Variants in MGAT4C observed in about 807,000 individuals in gnomAD.
MGAT4C encodes MGAT4 family member C, also known as alpha-1,3-mannosyl-glycoprotein 4-beta-N-acetylglucosaminyltransferase C.
MGAT4C carries 19 observed loss-of-function variants against 40.1 expected under a neutral mutation model. The observed-to-expected ratio is 0.47, with a 90% confidence interval of 0.33 to 0.70. MGAT4C has a LOEUF of 0.70. MGAT4C is among the 30% of genes least tolerant of loss of function. MGAT4C has a pLI of 0.02. For missense variants in MGAT4C, 491 were observed against 563.2 expected (o/e 0.87, Z 1.30); for synonymous variants, 181 against 187.1 (o/e 0.97, Z 0.27).
Position 85,979,904 on chromosome 12 carries a change from A to G in MGAT4C, c.822T>C (p.His274=), listed in dbSNP as rs1345519432. 4 of 1,613,852 alleles carry G rather than the reference A, an allele frequency of 2.5e-6. No homozygotes were observed. The part of the protein sequence containing the change: ...YHSHDLPRLA[H]FLLMFYQEMP... ...TTTCTTGATAAAACATTAATAAAAA[A>G]TGGGCCAAACGTGGGAGATCATGAG... The change falls in exon 5 of 5, where the codon CAT becomes CAC. Residue 274 remains histidine (H), a synonymous_variant. Transcript: ENST00000611864.
chr12:86,457,321 G>C (rs1252995880), intron 2 of MGAT4C, among the ~76,000 whole-genome samples: 1 of 151,938 alleles, frequency 6.6e-6, no homozygotes, highest in Non-Finnish European at 1.5e-5. Flanking sequence ...ATAACATACA[G>C]AATTAGTGGG....
chr12:86,405,934 ACATT>A (rs1460288778), intron 3 of MGAT4C, among the ~76,000 whole-genome samples: 485 of 3,706 alleles, frequency 0.13, 9 homozygotes, highest in South Asian at 0.32. Flanking sequence ...TATTATACAT[ACATT>A]TATAAATACA....
At chr12:85,985,298 G>C (rs558187633) in intron 3 of MGAT4C, among the ~76,000 whole-genome samples, 1 of 152,048 alleles carries the variant, frequency 6.6e-6, no homozygotes, top group Non-Finnish European at 1.5e-5. Context: ...CATCAATCTC[G>C]AGTGACAATG....
At chr12:86,179,381 G>T (rs1887864155) in intron 1 of MGAT4C, among the ~76,000 whole-genome samples, 1 of 152,186 alleles carries the variant, frequency 6.6e-6, no homozygotes, top group Admixed American at 6.5e-5. Context: ...GTTGGTACCA[G>T]TAGTGGGATG....
Position 86,496,766 on chromosome 12 carries a change from A to C in MGAT4C, c.-228-61501T>G, listed in dbSNP as rs190483027. Among the ~76,000 whole-genome samples, 147 of 152,110 alleles carry C rather than the reference A, an allele frequency of 9.7e-4. 1 individual carries two copies. The highest frequency in any genetic ancestry group is 3.5e-3 in the African/African-American group (144 of 41,518). On this transcript the variant is annotated intron_variant, in intron 2 of 7. Coordinates refer to the MGAT4C transcript ENST00000548651. ...TAATTGGCTCAGTGTAATTGAGCTC[A>C]CCATTCAGCCTTTTATAAAACGTTC...
At chr12:86,826,285 C>T (rs1377611043) in intron 1 of MGAT4C, among the ~76,000 whole-genome samples, 3 of 151,322 alleles carry the variant, frequency 2.0e-5, no homozygotes, top group African/African-American at 7.3e-5. Context: ...TTTCATGATG[C>T]TACTCCAGAT....
intron 2 of MGAT4C, among the ~76,000 whole-genome samples, chr12:85,995,595 C>T (rs554636580): frequency 3.1e-4 from 47 of 152,238 alleles, no homozygotes; most frequent in East Asian, 5.8e-4. Context: ...AGGCCAGCTG[C>T]GGTACCTCAT....
At chr12:86,671,012 AT>A (rs1964243525) in intron 2 of MGAT4C, among the ~76,000 whole-genome samples, 1 of 152,128 alleles carries the variant, frequency 6.6e-6, no homozygotes, top group Non-Finnish European at 1.5e-5. Flanking sequence ...ATACCATTCT[AT>A]TTTCTTGTAG....
At chr12:85,983,870 C>T (rs1884913823) in intron 3 of MGAT4C, among the ~76,000 whole-genome samples, 200 bp from the exon 4 acceptor site, 1 of 152,070 alleles carries the variant, frequency 6.6e-6, no homozygotes, top group South Asian at 2.1e-4. Flanking sequence ...TCCAGTAGCT[C>T]GCTCGCCTAT....
In MGAT4C at chr12:86,363,958, T is replaced by C. The variant is rs75577105; in HGVS notation, c.-119-29831A>G. ...AAATTACCAAATCTCTTTCTCACTC[T>C]CTCTCTCTCTCTCTCACACACACAC... On this transcript the variant is annotated intron_variant, in intron 3 of 7. Transcript: ENST00000548651. Among the ~76,000 whole-genome samples the C allele has an allele frequency of 5.7e-4, 37 of 65,280 alleles. 3 individuals carry two copies. In the East Asian group the frequency reaches 0.025, roughly 45 times the overall value. The allele number at this position is 65,280 out of a possible 152,430, so 42.8% of individuals were successfully genotyped here. A position where few individuals can be genotyped will look rare whatever the true frequency, so the allele number is the denominator to read the frequency against.
intron 2 of MGAT4C, among the ~76,000 whole-genome samples, chr12:86,711,356 G>C (rs115256457): frequency 6.6e-6 from 1 of 151,988 alleles, no homozygotes; most frequent in Admixed American, 6.6e-5. Context: ...CAGGAGCTGG[G>C]GAAGGGCTAA....
intron 1 of MGAT4C, among the ~76,000 whole-genome samples, chr12:86,062,181 A>T (rs988466266): frequency 1.3e-5 from 2 of 152,192 alleles, no homozygotes; most frequent in African/African-American, 4.8e-5. Flanking sequence ...AGAAAGTAAC[A>T]GGCAGCAATC....
intron 1 of MGAT4C, among the ~76,000 whole-genome samples, chr12:86,115,942 C>T (rs1878341637): frequency 6.6e-6 from 1 of 152,042 alleles, no homozygotes. Flanking sequence ...AAAGCACTCA[C>T]ATTCTGAGAA....
chr12:86,021,797 C>T (rs190085033), intron 2 of MGAT4C, among the ~76,000 whole-genome samples: 2 of 152,128 alleles, frequency 1.3e-5, no homozygotes, highest in Non-Finnish European at 2.9e-5. Flanking sequence ...ATGGTATAAG[C>T]ATTTATGTAC....
chr12:86,274,080 G>A lies in MGAT4C; in HGVS notation c.-57+59985C>T, dbSNP rs982838408. ...ATAATTTGTAAGCTCCCCTAAGAGG[G>A]AGCACTTGTCTTACACAGCAGGAGA... On this transcript the variant is annotated intron_variant, in intron 4 of 7. Transcript: ENST00000548651. 2.0e-5 allele frequency among the ~76,000 whole-genome samples: 3 copies of A among 152,232 alleles called. No homozygotes were observed. The East Asian group carries it at 5.8e-4, about 29-fold the overall frequency.
chr12:86,089,800 T>C (rs1448138976), intron 1 of MGAT4C, among the ~76,000 whole-genome samples: 1 of 151,788 alleles, frequency 6.6e-6, no homozygotes, highest in Non-Finnish European at 1.5e-5. Context: ...AGTTTGTATT[T>C]GTTTAGTCAA....
At chr12:86,488,180 A>G (rs987644544) in intron 2 of MGAT4C, among the ~76,000 whole-genome samples, 9 of 151,740 alleles carry the variant, frequency 5.9e-5, no homozygotes, top group African/African-American at 2.2e-4. Flanking sequence ...GACCTACAAC[A>G]TAGTGAATTC....
chr12:86,454,934 C>T (rs1401317637), intron 2 of MGAT4C, among the ~76,000 whole-genome samples: 8 of 152,026 alleles, frequency 5.3e-5, no homozygotes, highest in Non-Finnish European at 1.2e-4. Context: ...TCTCCTAATA[C>T]ATTTTTTCTT....
intron 2 of MGAT4C, among the ~76,000 whole-genome samples, chr12:86,694,148 C>T (rs1950216547): frequency 6.6e-6 from 1 of 152,110 alleles, no homozygotes; most frequent in South Asian, 2.1e-4. Context: ...ACTGATGTGT[C>T]TTTCCAGCTC....
Sources: gnomAD v4.1 joint callset for allele counts (sites outside exome capture counted in the v4.1 genomes callset) on GRCh38, gnomAD v4.1.1 for gene constraint, MANE v1.5 for transcripts, NCBI Gene and HGNC (gene_info 2026-07-23, HGNC 2026-07-21) for gene names.